Variants in HIF1A observed in about 807,000 individuals in gnomAD.
The protein encoded by HIF1A is hypoxia inducible factor 1 subunit alpha, also known as hypoxia-inducible factor 1-alpha.
In HIF1A, 24 loss-of-function variants were observed where a neutral mutation model predicts 92.7. The ratio of observed to expected loss-of-function variants is 0.26; its 90% confidence interval spans 0.19 to 0.36. The LOEUF (loss-of-function observed/expected upper bound fraction) is 0.36, where lower values mean the gene tolerates loss of function less well. HIF1A is among the 10% of genes least tolerant of loss of function. HIF1A has a pLI of 1.00. For missense variants in HIF1A, 799 were observed against 998.5 expected (o/e 0.80, Z 2.69); for synonymous variants, 319 against 338.7 (o/e 0.94, Z 0.64).
intron 1 of HIF1A, among the ~76,000 whole-genome samples, chr14:61,701,458 CT>C (rs369087436): frequency 7.4e-5 from 11 of 148,552 alleles, no homozygotes; most frequent in East Asian, 2.0e-4. Context: ...GTGTTTCCCC[CT>C]TTTTTTTTTC....
At chr14:61,720,064 G>A (rs548408973) in intron 1 of HIF1A, among the ~76,000 whole-genome samples, 1 of 152,278 alleles carries the variant, frequency 6.6e-6, no homozygotes, top group South Asian at 2.1e-4. Flanking sequence ...AGATGTACAG[G>A]CTACTTTAAA....
rs1273820349 is a variant in HIF1A, at chr14:61,737,007, A to G, written c.1147A>G (p.Thr383Ala). 1 of 1,613,996 alleles carries G rather than the reference A, an allele frequency of 6.2e-7. No individual in the cohort carries two copies. The highest frequency in any genetic ancestry group is 8.5e-7 in the Non-Finnish European group (1 of 1,179,922). The change falls in exon 9 of 15, where the codon ACA (threonine) becomes GCA (alanine). Residue 383 changes from threonine (T) to alanine (A), a missense_variant. By Grantham distance (58) the Thr-to-Ala change is moderately conservative (BLOSUM62 0). This residue lies in a region of HIF1A where 516 missense variants were observed against 721.0 expected (regional missense o/e 0.72). Coordinates refer to ENST00000337138, the MANE Select transcript of HIF1A (RefSeq NM_001530.4). ...QLFTKVESED[T>A]SSLFDKLKKE... ...ATTCACCAAAGTTGAATCAGAAGAT[A>G]CAAGTAGCCTCTTTGACAAACTTAA...
chr14:61,735,135 G>A (rs1010784766), intron 8 of HIF1A, among the ~76,000 whole-genome samples: 1 of 152,152 alleles, frequency 6.6e-6, no homozygotes, highest in African/African-American at 2.4e-5. Flanking sequence ...ACCAGGCTAA[G>A]CTTTCTAGTG....
intron 6 of HIF1A, among the ~76,000 whole-genome samples, chr14:61,731,318 A>G (rs1274098692): frequency 1.3e-5 from 2 of 152,194 alleles, no homozygotes; most frequent in Non-Finnish European, 2.9e-5. Context: ...TCAGCATGGT[A>G]CTAAGAAGAC....
At chr14:61,731,773 G>A (rs1489067037) in intron 6 of HIF1A, among the ~76,000 whole-genome samples, 1 of 152,186 alleles carries the variant, frequency 6.6e-6, no homozygotes, top group Non-Finnish European at 1.5e-5. Flanking sequence ...TAGTTTAGTA[G>A]TATTTCTTAT....
chr14:61,728,582 C>CT (rs1207332459), intron 6 of HIF1A, among the ~76,000 whole-genome samples: 1 of 152,188 alleles, frequency 6.6e-6, no homozygotes, highest in African/African-American at 2.4e-5. Context: ...TCCAGCAAAA[C>CT]TTTGGAAGTC....
At chr14:61,721,266 TA>T (rs535384524) in intron 2 of HIF1A, among the ~76,000 whole-genome samples, 3 of 152,036 alleles carry the variant, frequency 2.0e-5, no homozygotes, top group African/African-American at 7.2e-5. Flanking sequence ...AATAAATAAA[TA>T]AAAAACATTA....
intron 1 of HIF1A, among the ~76,000 whole-genome samples, chr14:61,701,374 ATATT>A (rs2044173959): frequency 6.6e-6 from 1 of 152,106 alleles, no homozygotes; most frequent in Non-Finnish European, 1.5e-5. Context: ...AAGTCACAAT[ATATT>A]TAGGCAAATT....
At position 61,740,912 on chromosome 14, in the gene HIF1A, A is replaced by C; in HGVS notation, c.1817A>C (p.Gln606Pro). ...ACAGTTACAGTATTCCAGCAGACTC[A>C]AATACAAGAACCTACTGCTAATGCC... ...QSTVTVFQQTQIQEPTANATT... is the reference protein window; with the variant it reads ...QSTVTVFQQTPIQEPTANATT... Residue 606 changes from glutamine (Q) to proline (P), a missense_variant, in exon 12 of 15, where the codon CAA becomes CCA. Gln to Pro is a moderately conservative substitution (Grantham distance 76). Around this residue, in one of 2 missense-constraint regions of HIF1A, gnomAD observed 283 missense variants for 277.5 expected, o/e 1.02. Coordinates refer to ENST00000337138, the MANE Select transcript of HIF1A (RefSeq NM_001530.4). 1 of 1,614,178 alleles carries C rather than the reference A, an allele frequency of 6.2e-7. No homozygotes were observed. Among genetic ancestry groups the C allele is most frequent in the South Asian group, 1.1e-5 (1 of 91,090 alleles).
chr14:61,728,197 CT>C (rs1022161761), intron 6 of HIF1A, among the ~76,000 whole-genome samples: 1 of 152,100 alleles, frequency 6.6e-6, no homozygotes, highest in Non-Finnish European at 1.5e-5. Flanking sequence ...TAAGATGAGT[CT>C]TTTTTTCCCC....
intron 1 of HIF1A, among the ~76,000 whole-genome samples, chr14:61,718,577 T>C (rs8005745): frequency 5.9e-5 from 9 of 152,052 alleles, no homozygotes; most frequent in Non-Finnish European, 1.0e-4. Flanking sequence ...AGATCAAGTC[T>C]TACGTTTTAT....
chr14:61,712,027 A>T (rs1035702734), intron 1 of HIF1A, among the ~76,000 whole-genome samples: 2 of 152,190 alleles, frequency 1.3e-5, no homozygotes, highest in Non-Finnish European at 2.9e-5. Flanking sequence ...CCTCTATGGA[A>T]CTTACTTTCC....
intron 6 of HIF1A, among the ~76,000 whole-genome samples, 195 bp from the exon 7 acceptor site, chr14:61,732,223 A>G (rs992389874): frequency 1.3e-5 from 2 of 152,188 alleles, no homozygotes; most frequent in African/African-American, 4.8e-5. Context: ...ACTTAAAGAA[A>G]TGTGTGGTGT....
At chr14:61,703,399 T>C (rs867214193) in intron 1 of HIF1A, among the ~76,000 whole-genome samples, 26 of 152,320 alleles carry the variant, frequency 1.7e-4, no homozygotes, top group South Asian at 1.2e-3. Flanking sequence ...GGGGAAAATG[T>C]AGTCATTGGC....
At chr14:61,715,244 G>T (rs190475870) in intron 1 of HIF1A, among the ~76,000 whole-genome samples, 2 of 152,186 alleles carry the variant, frequency 1.3e-5, no homozygotes, top group African/African-American at 4.8e-5. Context: ...CTGGACAGTA[G>T]AGCAGAGAGC....
chr14:61,704,336 GT>G (rs536180089), intron 1 of HIF1A, among the ~76,000 whole-genome samples: 19 of 151,784 alleles, frequency 1.3e-4, no homozygotes, highest in Non-Finnish European at 2.1e-4. Context: ...CCTTTACTTG[GT>G]TTTTTTTCCA....
At chr14:61,737,664 T>G (rs1303641923) in intron 9 of HIF1A, among the ~76,000 whole-genome samples, 1 of 152,242 alleles carries the variant, frequency 6.6e-6, no homozygotes, top group Non-Finnish European at 1.5e-5. Flanking sequence ...AAGGAAAATT[T>G]GGTGACATTT....
At position 61,724,394 on chromosome 14, in the gene HIF1A, G is replaced by A. The variant is rs542166169; in HGVS notation, c.458-2312G>A. On this transcript the variant is annotated intron_variant, in intron 4 of 14. Transcript: ENST00000337138. Reference sequence around the variant, plus strand: ...CTCTCTCTCTCTCCCCCTCCCTCCCGCACTCCTTCCCTTCCCCCTCCTTTG... The same window carrying A: ...CTCTCTCTCTCTCCCCCTCCCTCCCACACTCCTTCCCTTCCCCCTCCTTTG... Among the ~76,000 whole-genome samples the A allele has an allele frequency of 6.3e-3, 226 of 35,742 alleles. 1 individual carries two copies. Among genetic ancestry groups the A allele is most frequent in the Non-Finnish European group, 0.018 (187 of 10,658 alleles). 23.4% of individuals were successfully genotyped at this position (35,742 alleles called of 152,430 possible).
chr14:61,745,915 C>T, intron 14 of HIF1A, 98 bp downstream of exon 14: 1 of 1,130,350 alleles, frequency 8.8e-7, no homozygotes, highest in Non-Finnish European at 1.3e-6. Flanking sequence ...ACTTTGGTTC[C>T]TTAGCAAGAT....
Sources: gnomAD v4.1 joint callset for allele counts (sites outside exome capture counted in the v4.1 genomes callset) on GRCh38, gnomAD v4.1.1 for gene constraint, gnomAD v4.1.1 regional missense constraint, MANE v1.5 for transcripts, NCBI Gene and HGNC (gene_info 2026-07-23, HGNC 2026-07-21) for gene names.